The following SLC9A1 variants were observed in gnomAD, a reference collection of about 807,000 sequenced individuals.
SLC9A1 encodes sodium/hydrogen exchanger 1.
In SLC9A1, 22 loss-of-function variants were observed where a neutral mutation model predicts 67.9. The observed-to-expected ratio is 0.32, with a 90% CI of 0.23 to 0.46. The LOEUF is 0.46. Among genes scored for constraint, SLC9A1 ranks in the 20% least tolerant of loss-of-function variants. The pLI is 1.00. For missense variants in SLC9A1, 686 were observed against 1,094.8 expected, an observed-to-expected ratio of 0.63 and a Z score of 5.27; for synonymous variants, 421 against 471.8, an observed-to-expected ratio of 0.89 and a Z score of 1.40.
At chr1:27,127,108 C>G (rs536872589) in intron 1 of SLC9A1, among the ~76,000 whole-genome samples, 6 of 152,278 alleles carry the variant, frequency 3.9e-5, no homozygotes, top group African/African-American at 1.4e-4. Flanking sequence ...TCAAGTGATT[C>G]TCTCACCTCA....
chr1:27,119,182 C>T (rs1264270887), intron 1 of SLC9A1, among the ~76,000 whole-genome samples: 3 of 152,118 alleles, frequency 2.0e-5, no homozygotes, highest in Non-Finnish European at 4.4e-5. Flanking sequence ...ATTTATATCT[C>T]CTCGGACGGT....
At chr1:27,128,006 CCT>C (rs2083357429) in intron 1 of SLC9A1, among the ~76,000 whole-genome samples, 1 of 152,210 alleles carries the variant, frequency 6.6e-6, no homozygotes, top group African/African-American at 2.4e-5. Context: ...AGCCTCTCTA[CCT>C]CTGACATCTG....
intron 1 of SLC9A1, among the ~76,000 whole-genome samples, chr1:27,144,407 C>T (rs1210138453): frequency 6.6e-6 from 1 of 152,216 alleles, no homozygotes; most frequent in Non-Finnish European, 1.5e-5. Context: ...CCCTTGCAGA[C>T]CCTCCATTAG....
rs1225343104 is a variant in SLC9A1, at chr1:27,155,010, AAC to A, written c.-678_-677del. On this transcript the variant is annotated 5_prime_UTR_variant, in exon 1 of 12. Transcript: ENST00000263980. The surrounding 1 kb of genome is among the most constrained non-coding windows in gnomAD (Gnocchi z 4.5). ...GGGCGGCTCGCGGTGGGCCAGCAGCAACACGCCCCTCCTCGCGGCCCTGGCGC... is the reference window on the plus strand; with the variant it reads ...GGGCGGCTCGCGGTGGGCCAGCAGCAACGCCCCTCCTCGCGGCCCTGGCGC... The A allele has an allele frequency of 6.6e-6, 1 of 152,366 alleles. No individual in the cohort carries two copies. Among genetic ancestry groups the A allele is most frequent in the African/African-American group, 2.4e-5 (1 of 41,426 alleles). The allele number at this position is 152,366 out of a possible 1,614,324, so 9.4% of individuals were successfully genotyped here.
In SLC9A1 at chr1:27,118,346, G is replaced by C. The variant is rs1002700190; in HGVS notation, c.353-4060C>G. ...TTATTGGAAAGCACTTCTAGGGCTG[G>C]GGGAGGAAGGGATTCTGTCATCAAG... On this transcript the variant is annotated intron_variant, in intron 1 of 11. Transcript: ENST00000263980. The surrounding 1 kb of genome is among the most constrained non-coding windows in gnomAD (Gnocchi z 4.3). Among the ~76,000 whole-genome samples, 1 of 152,210 alleles carries C rather than the reference G, an allele frequency of 6.6e-6. No homozygotes were observed. The highest frequency in any genetic ancestry group is 1.5e-5 in the Non-Finnish European group (1 of 68,032).
intron 1 of SLC9A1, among the ~76,000 whole-genome samples, chr1:27,125,101 C>G (rs1447120883): frequency 2.0e-5 from 3 of 152,026 alleles, no homozygotes; most frequent in Non-Finnish European, 4.4e-5. Context: ...GTTCTGCCTT[C>G]TAGACATGAA....
intron 1 of SLC9A1, among the ~76,000 whole-genome samples, chr1:27,139,097 C>T (rs2124199013): frequency 6.6e-6 from 1 of 152,248 alleles, no homozygotes; most frequent in East Asian, 1.9e-4. Context: ...CAGCCCCGCC[C>T]ACCTACTGTC....
chr1:27,102,816 A>C (rs1262580157), intron 6 of SLC9A1, 73 bp from the exon 7 acceptor site: 1 of 1,325,318 alleles, frequency 7.5e-7, no homozygotes, highest in Non-Finnish European at 1.1e-6. Context: ...GACTAGCCCC[A>C]CTCCCTCCCG....
At chr1:27,116,728 T>C (rs1473513675) in intron 1 of SLC9A1, among the ~76,000 whole-genome samples, 1 of 152,218 alleles carries the variant, frequency 6.6e-6, no homozygotes, top group African/African-American at 2.4e-5. Context: ...CAAGTCTCTC[T>C]TGCTGTAGAG....
intron 1 of SLC9A1, among the ~76,000 whole-genome samples, chr1:27,127,965 TCA>T (rs1416479823): frequency 6.6e-6 from 1 of 152,210 alleles, no homozygotes; most frequent in Admixed American, 6.5e-5. Context: ...CTCTTTGGTC[TCA>T]GTCTCTCCAT....
rs544544356 is a variant in SLC9A1 at position 27,106,221 on chromosome 1, G to C, written c.1283-134C>G. 4.0e-5 allele frequency: 26 copies of C among 652,388 alleles called. No homozygotes were observed. Among genetic ancestry groups the C allele is most frequent in the Non-Finnish European group, 6.0e-5 (22 of 367,314 alleles). 40.4% of individuals were successfully genotyped at this position (652,388 alleles called of 1,614,324 possible). On this transcript the variant is annotated intron_variant, in intron 4 of 11. Transcript: ENST00000263980. The surrounding 1 kb of genome is among the most constrained non-coding windows in gnomAD (Gnocchi z 4.3). ...GCCCACCCCGCTCACTCAATTCCTG[G>C]GTCCCTCAGCCCAGAGTGCTCTGAA...
At position 27,102,378 on chromosome 1, in the gene SLC9A1, C is replaced by A; in HGVS notation, c.1820+7G>T. 1.3e-6 allele frequency: 2 copies of A among 1,581,406 alleles called. No homozygotes were observed. Among genetic ancestry groups the A allele is most frequent in the South Asian group, 2.3e-5 (2 of 87,944 alleles). On this transcript the variant is annotated splice_region_variant and intron_variant, in intron 8 of 11. Coordinates refer to ENST00000263980, the MANE Select transcript of SLC9A1 (RefSeq NM_003047.5). ...AGCAGAAGCTGCCTGGTTGCCCCAG[C>A]ACTCACTGCATGGAGACGGTGGAGA...
intron 1 of SLC9A1, among the ~76,000 whole-genome samples, chr1:27,147,108 C>T (rs1435940974): frequency 2.8e-5 from 4 of 143,528 alleles, no homozygotes; most frequent in African/African-American, 5.1e-5. Context: ...CCTGTCTCTA[C>T]TAAAAACAAA....
chr1:27,134,297 A>T (rs1349151380), intron 1 of SLC9A1, among the ~76,000 whole-genome samples: 1 of 152,182 alleles, frequency 6.6e-6, no homozygotes, highest in Non-Finnish European at 1.5e-5. Flanking sequence ...GTTTCCTCAC[A>T]GATAAGATGA....
intron 1 of SLC9A1, among the ~76,000 whole-genome samples, chr1:27,152,070 G>A (rs769836575): frequency 3.3e-5 from 5 of 152,186 alleles, no homozygotes; most frequent in Non-Finnish European, 5.9e-5. Flanking sequence ...AAGGACAGAG[G>A]GAGGTAGGAA....
chr1:27,141,249 G>A (rs1024919663), intron 1 of SLC9A1, among the ~76,000 whole-genome samples: 1 of 152,144 alleles, frequency 6.6e-6, no homozygotes, highest in Non-Finnish European at 1.5e-5. Context: ...TAAGTGACTT[G>A]CCCAAGGTCA....
intron 2 of SLC9A1, among the ~76,000 whole-genome samples, chr1:27,113,059 G>A (rs2083241768): frequency 6.6e-6 from 1 of 152,040 alleles, no homozygotes; most frequent in Admixed American, 6.6e-5. Context: ...TCTAACTTAA[G>A]ATATAGCCAA....
intron 2 of SLC9A1, among the ~76,000 whole-genome samples, chr1:27,112,580 T>C (rs2083235680): frequency 1.3e-5 from 2 of 152,282 alleles, no homozygotes; most frequent in Admixed American, 1.3e-4. Context: ...TCTGCCACTT[T>C]GCAGCTATCA....
chr1:27,130,028 G>T (rs1265365570), intron 1 of SLC9A1, among the ~76,000 whole-genome samples: 2 of 152,196 alleles, frequency 1.3e-5, no homozygotes, highest in African/African-American at 4.8e-5. Context: ...TTTATTGCCA[G>T]GTCTGTCACT....
Sources: gnomAD v4.1 joint callset for allele counts (sites outside exome capture counted in the v4.1 genomes callset) on GRCh38, gnomAD v4.1.1 for gene constraint, Gnocchi (gnomAD v3.1) non-coding constraint, MANE v1.5 for transcripts, NCBI Gene and HGNC (gene_info 2026-07-23, HGNC 2026-07-21) for gene names.